Variants in CCNG1 observed in about 807,000 individuals in gnomAD.
CCNG1 encodes the protein cyclin-G1.
A neutral mutation model predicts 30.0 loss-of-function variants in CCNG1; 13 were observed. The observed-to-expected ratio is 0.43, with a 90% confidence interval of 0.28 to 0.69. The LOEUF is 0.69. Ranked by LOEUF, CCNG1 falls within the 30% of genes least tolerant of loss-of-function variation. The pLI is 0.16. For synonymous variants in CCNG1, 110 were observed against 121.5 expected, an observed-to-expected ratio of 0.91 and a Z score of 0.62; for missense variants, 285 against 331.4, an observed-to-expected ratio of 0.86 and a Z score of 1.09.
Position 163,443,925 on chromosome 5 carries a change from G to A in CCNG1, c.*255G>A, listed in dbSNP as rs1384157969. The A allele has an allele frequency of 6.3e-6, 3 of 479,516 alleles. No individual in the cohort carries two copies. In the Admixed American group the frequency reaches 1.1e-4, roughly 18 times the overall value. 29.7% of individuals were successfully genotyped at this position (479,516 alleles called of 1,614,324 possible). A position where few individuals can be genotyped will look rare whatever the true frequency, so the allele number is the denominator to read the frequency against. ...GAAATGCTAATGACAAGCCTGAGAA[G>A]GTAAACTGTGAATCTTCATTTCTAT... On this transcript the variant is annotated 3_prime_UTR_variant, in exon 7 of 7. Coordinates refer to ENST00000340828, the MANE Select transcript of CCNG1 (RefSeq NM_004060.4).
chr5:163,452,688 G>T, the CCNG1 span: 1 of 149,808 alleles, frequency 6.7e-6, no homozygotes, highest in African/African-American at 2.4e-5. Flanking sequence ...CATCAGAAAT[G>T]AGACAAACTG....
chr5:163,439,320 G>C lies in CCNG1; in HGVS notation c.64G>C (p.Glu22Gln). Reference protein sequence around the residue: ...KLLHQLNALLEQESRCQPKVC... With the variant: ...KLLHQLNALLQQESRCQPKVC... ...GCTACACCAGCTGAATGCCCTGTTG[G>C]AACAGGAGTCTAGATGTCAGCCAAA... Residue 22 changes from glutamate (E) to glutamine (Q), a missense_variant, in exon 2 of 7, where the codon GAA becomes CAA. Glu to Gln is a conservative substitution (Grantham distance 29, BLOSUM62 2). Transcript: ENST00000340828. 2 of 1,613,796 alleles carry C rather than the reference G, an allele frequency of 1.2e-6. No individual in the cohort carries two copies. The highest frequency in any genetic ancestry group is 1.7e-6 in the Non-Finnish European group (2 of 1,179,726).
chr5:163,442,297 GA>G (rs1757856264), intron 5 of CCNG1, 76 bp from the exon 6 acceptor site: 2 of 1,222,464 alleles, frequency 1.6e-6, no homozygotes, highest in Non-Finnish European at 2.3e-6. Flanking sequence ...ATGTTCATAG[GA>G]TTGCATTTAT....
the CCNG1 span, chr5:163,457,139 G>GT: frequency 0.25 from 281,625 of 1,149,320 alleles, 2,641 homozygotes; most frequent in African/African-American, 0.29. Context: ...TCATCAAGTT[G>GT]TTTTTTTTTT....
downstream of CCNG1, chr5:163,448,077 T>C (rs1025813146): frequency 6.6e-6 from 1 of 151,938 alleles, no homozygotes; most frequent in African/African-American, 2.4e-5. Flanking sequence ...AGGAGGATCA[T>C]GACCCCACGA....
chr5:163,443,145 T>TA (rs1398340093), intron 6 of CCNG1, among the ~76,000 whole-genome samples: 4 of 151,842 alleles, frequency 2.6e-5, no homozygotes, highest in Middle Eastern at 3.4e-3. Flanking sequence ...CCGTCTCTGC[T>TA]AAAAAATACA....
In CCNG1 at chr5:163,441,912, T is replaced by G. The variant is rs778754070; in HGVS notation, c.545T>G (p.Leu182Arg). Reference sequence around the variant, plus strand: ...AGAAATAGCATTAATTTTGAAAGACTAGAAGCTCAACTGAAGGCATGTCAT... The same window carrying G: ...AGAAATAGCATTAATTTTGAAAGACGAGAAGCTCAACTGAAGGCATGTCAT... ...ERRNSINFER[L>R]EAQLKACHCR... The change falls in exon 4 of 7, where the codon CTA becomes CGA. Residue 182 changes from leucine (L) to arginine (R), a missense_variant. Transcript: ENST00000340828. 2 of 1,608,462 alleles carry G rather than the reference T, an allele frequency of 1.2e-6. No individual in the cohort carries two copies. The highest frequency in any genetic ancestry group is 1.7e-5 in the Admixed American group (1 of 59,950).
At chr5:163,455,361 G>A in the CCNG1 span, among the ~76,000 whole-genome samples, 5 of 152,250 alleles carry the variant, frequency 3.3e-5, no homozygotes, top group African/African-American at 1.2e-4. Context: ...AGGGATAGCT[G>A]TAAGGGAGGA....
the CCNG1 span, chr5:163,451,450 C>G: frequency 1.3e-5 from 2 of 152,102 alleles, no homozygotes; most frequent in African/African-American, 2.4e-5. Flanking sequence ...CTCTTCAATA[C>G]TCTGACTGTG....
the CCNG1 span, chr5:163,456,783 G>C: frequency 3.3e-6 from 2 of 612,658 alleles, no homozygotes; most frequent in Non-Finnish European, 5.2e-6. Flanking sequence ...TACAAGAAAG[G>C]CCATTTTTCT....
chr5:163,445,240 A>G (rs919757773), downstream of CCNG1, among the ~76,000 whole-genome samples: 23 of 152,294 alleles, frequency 1.5e-4, no homozygotes, highest in African/African-American at 4.3e-4. Flanking sequence ...TCTACTCAGT[A>G]TATTTAAATT....
At chr5:163,440,428 A>G (rs1250834288) in intron 2 of CCNG1, among the ~76,000 whole-genome samples, 1 of 152,220 alleles carries the variant, frequency 6.6e-6, no homozygotes, top group Non-Finnish European at 1.5e-5. Flanking sequence ...TTAAAGAGGC[A>G]TAAGTGTACT....
intron 2 of CCNG1, 137 bp downstream of exon 2, chr5:163,439,657 C>T (rs1757707984): frequency 3.0e-6 from 2 of 661,092 alleles, no homozygotes; most frequent in South Asian, 1.9e-5. Context: ...TCTACTACAG[C>T]ATTAATATTT....
chr5:163,442,223 G>T, intron 5 of CCNG1, 80 bp downstream of exon 5: 1 of 1,117,902 alleles, frequency 8.9e-7, no homozygotes, highest in Non-Finnish European at 1.3e-6. Flanking sequence ...AGTAAAATGA[G>T]ATGTCATATG....
chr5:163,447,257 GC>G (rs1758059330), downstream of CCNG1: 2 of 152,570 alleles, frequency 1.3e-5, no homozygotes, highest in African/African-American at 4.8e-5. Context: ...TTCAAGACCA[GC>G]CTACTCAACA....
At chr5:163,441,577 C>G in intron 3 of CCNG1, 2 of 489,046 alleles carry the variant, frequency 4.1e-6, no homozygotes, top group African/African-American at 4.0e-5. Context: ...GCATCTAACA[C>G]AAATTTATGG....
chr5:163,442,606 A>G, intron 6 of CCNG1, 38 bp downstream of exon 6: 1 of 1,456,714 alleles, frequency 6.9e-7, no homozygotes. Context: ...GATAGAGAAC[A>G]TTTTCCAATG....
downstream of CCNG1, chr5:163,448,883 A>T (rs1356209533): frequency 6.6e-6 from 1 of 152,222 alleles, no homozygotes; most frequent in African/African-American, 2.4e-5. Context: ...ATACAGAAAG[A>T]GCATAGAAAA....
intron 2 of CCNG1, among the ~76,000 whole-genome samples, chr5:163,440,045 CTAGA>C (rs1041306530): frequency 1.1e-4 from 17 of 151,272 alleles, no homozygotes; most frequent in Admixed American, 4.0e-4. Flanking sequence ...TTTTCCTATA[CTAGA>C]TAAACAAGAC....
Sources: allele counts gnomAD v4.1 joint callset (sites outside exome capture counted in the v4.1 genomes callset), GRCh38; gene constraint gnomAD v4.1.1; transcripts MANE v1.5; gene names NCBI Gene and HGNC (gene_info 2026-07-23, HGNC 2026-07-21).